CHMP2B: variants seen among roughly 807,000 people sequenced by gnomAD.
CHMP2B encodes VPS2 homolog B.
In CHMP2B, 22 loss-of-function variants were observed where a neutral mutation model predicts 29.8. That is an observed-to-expected ratio of 0.74 (90% CI 0.53 to 1.05). The LOEUF (loss-of-function observed/expected upper bound fraction) is 1.05, where lower values mean the gene tolerates loss of function less well. Ranked by LOEUF, CHMP2B falls within the 50% of genes least tolerant of loss-of-function variation. The pLI is 0.00. For synonymous variants in CHMP2B, 78 were observed against 75.8 expected (o/e 1.03, Z -0.15); for missense variants, 261 against 252.2 (o/e 1.03, Z -0.24).
chr3:87,241,458 C>T (rs182247702), intron 2 of CHMP2B, among the ~76,000 whole-genome samples: 231 of 152,160 alleles, frequency 1.5e-3, no homozygotes, highest in Non-Finnish European at 2.8e-3. Flanking sequence ...ATCCCTCCTA[C>T]GCATCCCTGC....
At chr3:87,241,103 T>C (rs1706110744) in intron 2 of CHMP2B, among the ~76,000 whole-genome samples, 1 of 152,134 alleles carries the variant, frequency 6.6e-6, no homozygotes, top group Non-Finnish European at 1.5e-5. Flanking sequence ...GAAGATGAAA[T>C]AGTCATGGAA....
At chr3:87,231,688 G>A (rs1705911624) in intron 1 of CHMP2B, among the ~76,000 whole-genome samples, 2 of 152,218 alleles carry the variant, frequency 1.3e-5, no homozygotes, top group Non-Finnish European at 1.5e-5. Flanking sequence ...GCATCCAGCA[G>A]CACTGTTCTT....
At chr3:87,231,215 C>T (rs1276462153) in intron 1 of CHMP2B, among the ~76,000 whole-genome samples, 2 of 152,054 alleles carry the variant, frequency 1.3e-5, no homozygotes, top group Non-Finnish European at 2.9e-5. Context: ...ATATCTGTAC[C>T]TAGGTGTCTC....
At position 87,227,432 on chromosome 3, in the gene CHMP2B, A is replaced by C; in HGVS notation, c.-91A>C. 6.6e-7 allele frequency: 1 copy of C among 1,518,522 alleles called. No homozygotes were observed. Among genetic ancestry groups the C allele is most frequent in the Non-Finnish European group, 9.1e-7 (1 of 1,094,000 alleles). 94.1% of individuals were successfully genotyped at this position (1,518,522 alleles called of 1,614,324 possible). ...CTGTCTCTCCGCTCCGCCACCCCGA[A>C]CCCGCCAAGGTCCTGTCCTTTTCCT... is the stretch of plus-strand genomic sequence containing the variant. On this transcript the variant is annotated 5_prime_UTR_variant, in exon 1 of 6. Coordinates refer to ENST00000263780, the MANE Select transcript of CHMP2B (RefSeq NM_014043.4).
chr3:87,236,934 G>A (rs1227275300), intron 1 of CHMP2B, among the ~76,000 whole-genome samples: 1 of 152,102 alleles, frequency 6.6e-6, no homozygotes, highest in Admixed American at 6.5e-5. Context: ...TTAGTCCTTA[G>A]TACACAAAGG....
At chr3:87,250,741 C>T (rs865846643) in intron 4 of CHMP2B, among the ~76,000 whole-genome samples, 3 of 151,774 alleles carry the variant, frequency 2.0e-5, no homozygotes, top group Non-Finnish European at 4.4e-5. Context: ...AAATTTTTAA[C>T]GTGTTTGATA....
In CHMP2B at chr3:87,254,493, A is replaced by C. The variant is rs575796569; in HGVS notation, c.*671A>C. ...CTGGCAGAAAAGAATTACATTTAAA[A>C]CTGAAATCAAGGCCTCAATACAAAG... On this transcript the variant is annotated 3_prime_UTR_variant, in exon 6 of 6. Coordinates refer to ENST00000263780, the MANE Select transcript of CHMP2B (RefSeq NM_014043.4). 1 of 152,276 alleles carries C rather than the reference A, an allele frequency of 6.6e-6. No homozygotes were observed. The highest frequency in any genetic ancestry group is 2.4e-5 in the African/African-American group (1 of 41,396). 9.4% of individuals were successfully genotyped at this position (152,276 alleles called of 1,614,324 possible).
chr3:87,238,090 A>G (rs911934277), intron 1 of CHMP2B, among the ~76,000 whole-genome samples: 1 of 152,212 alleles, frequency 6.6e-6, no homozygotes, highest in Non-Finnish European at 1.5e-5. Context: ...GCTTTTATTC[A>G]GAAAGTAATT....
intron 1 of CHMP2B, among the ~76,000 whole-genome samples, chr3:87,228,052 G>C (rs1705845250): frequency 2.0e-5 from 3 of 152,202 alleles, no homozygotes; most frequent in Non-Finnish European, 4.4e-5. Flanking sequence ...CATCAGTAAA[G>C]AGATGTGAAA....
At position 87,247,930 on chromosome 3, in the gene CHMP2B, TAAAG is replaced by T. The variant is rs373111436; in HGVS notation, c.322-1943_322-1940del. On this transcript the variant is annotated intron_variant, in intron 3 of 5. Transcript: ENST00000263780. ...TATGTAACCAATACATTTGTGCAAA[TAAAG>T]AGTAGAATGCATCCATTTTGTGAAG... is the stretch of plus-strand genomic sequence containing the variant. 2.9e-3 allele frequency among the ~76,000 whole-genome samples: 439 copies of T among 152,222 alleles called. 1 individual carries two copies. Among genetic ancestry groups the T allele is most frequent in the African/African-American group, 0.01 (417 of 41,548 alleles).
rs960041852 is a variant in CHMP2B, at chr3:87,254,233, T to C, written c.*411T>C. Reference sequence around the variant, plus strand: ...ATATCGTTAATTCTGTATCTGTTGCTTGTCTTTTGTAAGTGATTATGTGTT... The same window carrying C: ...ATATCGTTAATTCTGTATCTGTTGCCTGTCTTTTGTAAGTGATTATGTGTT... On this transcript the variant is annotated 3_prime_UTR_variant, in exon 6 of 6. Coordinates refer to ENST00000263780, the MANE Select transcript of CHMP2B (RefSeq NM_014043.4). 3.3e-5 allele frequency: 6 copies of C among 183,058 alleles called. No individual in the cohort carries two copies. The highest frequency in any genetic ancestry group is 1.2e-4 in the African/African-American group (5 of 41,778). The allele number at this position is 183,058 out of a possible 1,614,324, so 11.3% of individuals were successfully genotyped here.
At chr3:87,229,567 A>G (rs1705871186) in intron 1 of CHMP2B, among the ~76,000 whole-genome samples, 1 of 152,018 alleles carries the variant, frequency 6.6e-6, no homozygotes, top group Non-Finnish European at 1.5e-5. Flanking sequence ...ATTGAAAGGA[A>G]GTTTTTTTTT....
At chr3:87,247,748 G>A (rs879883469) in intron 3 of CHMP2B, among the ~76,000 whole-genome samples, 6 of 152,180 alleles carry the variant, frequency 3.9e-5, no homozygotes, top group African/African-American at 4.8e-5. Context: ...CATGAAAGTC[G>A]AGTGCTGTGC....
At chr3:87,228,723 T>C (rs1185934767) in intron 1 of CHMP2B, among the ~76,000 whole-genome samples, 1 of 152,226 alleles carries the variant, frequency 6.6e-6, no homozygotes, top group Non-Finnish European at 1.5e-5. Flanking sequence ...TGACTGAACA[T>C]TTTTTTGATT....
chr3:87,231,427 A>G (rs1381530316), intron 1 of CHMP2B, among the ~76,000 whole-genome samples: 9 of 152,194 alleles, frequency 5.9e-5, no homozygotes, highest in East Asian at 5.8e-4. Context: ...ATCCTACTTA[A>G]CTTGCACTTT....
At chr3:87,244,234 A>AT (rs1706173029) in intron 2 of CHMP2B, among the ~76,000 whole-genome samples, 1 of 150,868 alleles carries the variant, frequency 6.6e-6, no homozygotes. Context: ...TTTAGTAGAG[A>AT]GGGGTTTCAC....
intron 2 of CHMP2B, among the ~76,000 whole-genome samples, chr3:87,242,493 TACTTTTAGTGTACTACTTA>T (rs1706136312): frequency 6.6e-6 from 1 of 152,176 alleles, no homozygotes; most frequent in Admixed American, 6.5e-5. Flanking sequence ...CTGTGATTAG[TACTTTTAGTGTACTACTTA>T]ACTTTTAGTG....
At chr3:87,232,274 C>G (rs1705922418) in intron 1 of CHMP2B, among the ~76,000 whole-genome samples, 1 of 152,028 alleles carries the variant, frequency 6.6e-6, no homozygotes, top group South Asian at 2.1e-4. Context: ...GGGATAAATC[C>G]CCTTTCAATG....
intron 2 of CHMP2B, among the ~76,000 whole-genome samples, chr3:87,244,811 CA>C (rs1479319422): frequency 6.6e-6 from 1 of 152,104 alleles, no homozygotes; most frequent in Non-Finnish European, 1.5e-5. Context: ...GAGTTTCCTA[CA>C]AATGTCAGTT....
Sources: allele counts gnomAD v4.1 joint callset (sites outside exome capture counted in the v4.1 genomes callset), GRCh38; gene constraint gnomAD v4.1.1; transcripts MANE v1.5; gene names NCBI Gene and HGNC (gene_info 2026-07-23, HGNC 2026-07-21).